The following KIRREL3 variants were observed in gnomAD, a reference collection of about 807,000 sequenced individuals.
The protein encoded by KIRREL3 is kin of IRRE-like protein 3.
In KIRREL3, 36 loss-of-function variants were observed where a neutral mutation model predicts 89.7. That is an observed-to-expected ratio of 0.40 (90% confidence interval 0.31 to 0.53). The LOEUF (loss-of-function observed/expected upper bound fraction) is 0.53. Ranked by LOEUF, KIRREL3 falls within the 20% of genes least tolerant of loss-of-function variation. The probability of loss-of-function intolerance (pLI) is 0.49; values close to 1 mark genes in which losing one functional copy is unlikely to be tolerated. For synonymous variants in KIRREL3, 445 were observed against 441.4 expected (o/e 1.01, Z -0.10); for missense variants, 864 against 1,056.6 (o/e 0.82, Z 2.53).
rs1015712049 is a variant in KIRREL3 at position 126,655,239 on chromosome 11, G to A, written c.56-92327C>T. On this transcript the variant is annotated intron_variant, in intron 1 of 16. Coordinates refer to ENST00000525144, the MANE Select transcript of KIRREL3 (RefSeq NM_032531.4). The surrounding 1 kb of genome is among the most constrained non-coding windows in gnomAD (Gnocchi z 5.0). ...CAGGATAATTTTTCCTGATGTCAAA[G>A]CCTCACCCAGGAGAGCTCTCGCTGT... 1.3e-5 allele frequency among the ~76,000 whole-genome samples: 2 copies of A among 152,354 alleles called. No homozygotes were observed. Among genetic ancestry groups the A allele is most frequent in the Admixed American group, 6.5e-5 (1 of 15,310 alleles).
At chr11:126,547,443 G>T (rs985636461) in intron 2 of KIRREL3, among the ~76,000 whole-genome samples, 2 of 152,212 alleles carry the variant, frequency 1.3e-5, no homozygotes, top group Non-Finnish European at 2.9e-5. Context: ...CAGAAATGCT[G>T]CCTGTGTGTA....
At chr11:126,911,250 T>C (rs1459415802) in intron 1 of KIRREL3, among the ~76,000 whole-genome samples, 1 of 152,224 alleles carries the variant, frequency 6.6e-6, no homozygotes, top group Admixed American at 6.5e-5. Context: ...GCAGCCACCA[T>C]GCTGAGACTC....
At position 126,489,342 on chromosome 11, in the gene KIRREL3, G is replaced by C. The variant is rs1305434800; in HGVS notation, c.434-15876C>G. 6.6e-6 allele frequency among the ~76,000 whole-genome samples: 1 copy of C among 152,160 alleles called. No homozygotes were observed. Among genetic ancestry groups the C allele is most frequent in the Non-Finnish European group, 1.5e-5 (1 of 68,018 alleles). On this transcript the variant is annotated intron_variant, in intron 4 of 16. Transcript: ENST00000525144. The surrounding 1 kb of genome is among the most constrained non-coding windows in gnomAD (Gnocchi z 5.5). ...CACGGAGCAGGTGCTCAACAGATGAGCACCCCATCAATGATGGAAGGGTAA... is the reference window on the plus strand; with the variant it reads ...CACGGAGCAGGTGCTCAACAGATGACCACCCCATCAATGATGGAAGGGTAA...
chr11:126,435,402 T>C, intron 12 of KIRREL3, 99 bp from the exon 13 acceptor site: 1 of 1,217,232 alleles, frequency 8.2e-7, no homozygotes, highest in South Asian at 1.2e-5. Flanking sequence ...GGTGAGGGGC[T>C]CCTTTCCCAG....
chr11:126,858,729 G>C (rs1213356587), intron 1 of KIRREL3, among the ~76,000 whole-genome samples: 1 of 152,234 alleles, frequency 6.6e-6, no homozygotes, highest in African/African-American at 2.4e-5. Flanking sequence ...TGTGTAAACA[G>C]TTCTGTGCAG....
At chr11:126,616,067 G>A (rs991924229) in intron 1 of KIRREL3, among the ~76,000 whole-genome samples, 11 of 152,168 alleles carry the variant, frequency 7.2e-5, no homozygotes, top group Non-Finnish European at 1.0e-4. Flanking sequence ...ATTACTACGC[G>A]GCCGAGCATA....
At chr11:127,002,361 A>G (rs1950330244), upstream of KIRREL3, among the ~76,000 whole-genome samples, 1 of 152,230 alleles carries the variant, frequency 6.6e-6, no homozygotes, top group African/African-American at 2.4e-5. Flanking sequence ...AGAAATGTTG[A>G]GCAACAGAAA....
In KIRREL3 at chr11:126,981,923, G is replaced by A. The variant is rs1949733737; in HGVS notation, c.55+18532C>T. On this transcript the variant is annotated intron_variant, in intron 1 of 16. Transcript: ENST00000525144. The surrounding 1 kb of genome is among the most constrained non-coding windows in gnomAD (Gnocchi z 4.2). ...CTCATTAATATTCAAATCTATTCAA[G>A]TCATTTCAATTTGAATTCTATGCAT... is the stretch of plus-strand genomic sequence containing the variant. 6.6e-6 allele frequency among the ~76,000 whole-genome samples: 1 copy of A among 152,172 alleles called. No individual in the cohort carries two copies. Among genetic ancestry groups the A allele is most frequent in the South Asian group, 2.1e-4 (1 of 4,834 alleles).
Position 126,814,882 on chromosome 11 carries a change from A to G in KIRREL3, c.55+185573T>C, listed in dbSNP as rs1403835215. On this transcript the variant is annotated intron_variant, in intron 1 of 16. Transcript: ENST00000525144. This position sits in a 1 kb window ranked among gnomAD's most constrained non-coding sequence, Gnocchi z 4.4. ...TGCAGCGAACCACCATGGCACACGT[A>G]TCTATGTAACAAACCTGCACATCCT... 2.0e-5 allele frequency among the ~76,000 whole-genome samples: 3 copies of G among 152,204 alleles called. No homozygotes were observed. Among genetic ancestry groups the G allele is most frequent in the Admixed American group, 6.5e-5 (1 of 15,288 alleles).
In KIRREL3 at chr11:126,734,644, G is replaced by C. The variant is rs1049256819; in HGVS notation, c.56-171732C>G. On this transcript the variant is annotated intron_variant, in intron 1 of 16. Coordinates refer to ENST00000525144, the MANE Select transcript of KIRREL3 (RefSeq NM_032531.4). The surrounding 1 kb of genome is among the most constrained non-coding windows in gnomAD (Gnocchi z 5.9). ...CATTGCACTCCAGCCTGGGCAACAA[G>C]AGTGAAACTCTGTCTCAAAAGAAAA... is the stretch of plus-strand genomic sequence containing the variant. Among the ~76,000 whole-genome samples the C allele has an allele frequency of 3.3e-5, 5 of 151,616 alleles. No individual in the cohort carries two copies. The highest frequency in any genetic ancestry group is 1.2e-4 in the African/African-American group (5 of 41,174).
intron 15 of KIRREL3, among the ~76,000 whole-genome samples, chr11:126,426,022 T>C (rs1057200566): frequency 4.6e-5 from 7 of 152,250 alleles, no homozygotes; most frequent in Admixed American, 3.9e-4. Flanking sequence ...AGATCTCCCA[T>C]GGCTGATTCA....
rs143456871 is a variant in KIRREL3, at chr11:126,627,641, T to C, written c.56-64729A>G. On this transcript the variant is annotated intron_variant, in intron 1 of 16. Coordinates refer to ENST00000525144, the MANE Select transcript of KIRREL3 (RefSeq NM_032531.4). This position sits in a 1 kb window ranked among gnomAD's most constrained non-coding sequence, Gnocchi z 5.0. ...AGGTCCAGCGGTTGGCTTTAGTAAA[T>C]ATGCCTCAAGCAGCTGTCACTGGGA... Among the ~76,000 whole-genome samples, 4 of 152,332 alleles carry C rather than the reference T, an allele frequency of 2.6e-5. No homozygotes were observed. In the East Asian group the frequency reaches 7.7e-4, roughly 29 times the overall value.
rs185318912 is a variant in KIRREL3 at position 126,684,959 on chromosome 11, T to A, written c.56-122047A>T. Among the ~76,000 whole-genome samples the A allele has an allele frequency of 6.6e-6, 1 of 152,266 alleles. No homozygotes were observed. The highest frequency in any genetic ancestry group is 1.9e-4 in the East Asian group (1 of 5,174). On this transcript the variant is annotated intron_variant, in intron 1 of 16. Coordinates refer to ENST00000525144, the MANE Select transcript of KIRREL3 (RefSeq NM_032531.4). This position sits in a 1 kb window ranked among gnomAD's most constrained non-coding sequence, Gnocchi z 4.2. ...CCCCTCCCTTTTGTCCTCTTCTCTC[T>A]TCCTCTCTCCCTCATTTCTGGCTTC...
In KIRREL3 at chr11:126,521,307, GT is replaced by G; in HGVS notation, c.433+7del. On this transcript the variant is annotated splice_region_variant and intron_variant, in intron 4 of 16. Transcript: ENST00000525144. This position sits in a 1 kb window ranked among gnomAD's most constrained non-coding sequence, Gnocchi z 4.1. ...AGTGTCCCAGCCCCGTGTGCAGATG[GT>G]TCTTACCCAGGACTGTGAGGCGTGC... 6.5e-7 allele frequency: 1 copy of G among 1,535,494 alleles called. No homozygotes were observed. Among genetic ancestry groups the G allele is most frequent in the South Asian group, 1.2e-5 (1 of 82,164 alleles).
At chr11:126,899,466 G>C (rs1207402109) in intron 1 of KIRREL3, among the ~76,000 whole-genome samples, 1 of 152,234 alleles carries the variant, frequency 6.6e-6, no homozygotes, top group East Asian at 1.9e-4. Context: ...GTGAAAGTCA[G>C]ATGCAGAACA....
intron 4 of KIRREL3, among the ~76,000 whole-genome samples, chr11:126,509,689 C>G (rs1238151239): frequency 6.6e-6 from 1 of 152,208 alleles, no homozygotes; most frequent in East Asian, 1.9e-4. Context: ...CACAGAGGCA[C>G]CAACATATCT....
In KIRREL3 at chr11:126,924,736, T is replaced by C. The variant is rs576751352; in HGVS notation, c.55+75719A>G. On this transcript the variant is annotated intron_variant, in intron 1 of 16. Transcript: ENST00000525144. The surrounding 1 kb of genome is among the most constrained non-coding windows in gnomAD (Gnocchi z 4.7). ...CCTGAGCTCACCCTGGCTTCTGCCA[T>C]TGCTTGGCCAAGGTGATTAACTGGA... Among the ~76,000 whole-genome samples, 19 of 152,280 alleles carry C rather than the reference T, an allele frequency of 1.2e-4. No individual in the cohort carries two copies. The South Asian group carries it at 3.9e-3, about 32-fold the overall frequency.
rs1301960655 is a variant in KIRREL3, at chr11:126,999,741, G to A, written c.55+714C>T. 6.6e-6 allele frequency among the ~76,000 whole-genome samples: 1 copy of A among 152,208 alleles called. No individual in the cohort carries two copies. On this transcript the variant is annotated intron_variant, in intron 1 of 16. Coordinates refer to ENST00000525144, the MANE Select transcript of KIRREL3 (RefSeq NM_032531.4). The surrounding 1 kb of genome is among the most constrained non-coding windows in gnomAD (Gnocchi z 5.7). ...TGGCAAGGAGCCTAGAGGTGGCAAA[G>A]TTCTTTCCGGAGAGTCCACCTGCTT... is the stretch of plus-strand genomic sequence containing the variant.
intron 1 of KIRREL3, among the ~76,000 whole-genome samples, chr11:126,907,703 C>T (rs1486502050): frequency 6.6e-6 from 1 of 152,130 alleles, no homozygotes; most frequent in African/African-American, 2.4e-5. Flanking sequence ...ATAGACAGGC[C>T]TTGAGGACAG....
Sources: gnomAD v4.1 joint callset for allele counts (sites outside exome capture counted in the v4.1 genomes callset) on GRCh38, gnomAD v4.1.1 for gene constraint, Gnocchi (gnomAD v3.1) non-coding constraint, MANE v1.5 for transcripts, NCBI Gene and HGNC (gene_info 2026-07-23, HGNC 2026-07-21) for gene names.